The following EXOC6B variants were observed in gnomAD, a reference collection of about 807,000 sequenced individuals.
EXOC6B encodes the protein exocyst complex component 6B, also known as SEC15 homolog B.
Under a neutral mutation model 113.5 loss-of-function variants are expected in EXOC6B, and 54 were observed. The observed-to-expected ratio is 0.48, with a 90% CI of 0.38 to 0.60. EXOC6B has a LOEUF of 0.60. EXOC6B is among the 20% of genes least tolerant of loss of function. EXOC6B has a pLI of 0.00. For synonymous variants in EXOC6B, 357 were observed against 339.0 expected (o/e 1.05, Z -0.58); for missense variants, 797 against 977.5 (o/e 0.82, Z 2.46).
chr2:72,407,105 G>GA (rs1431560033), intron 18 of EXOC6B, among the ~76,000 whole-genome samples: 1 of 152,128 alleles, frequency 6.6e-6, no homozygotes, highest in Non-Finnish European at 1.5e-5. Flanking sequence ...AGATAAACTA[G>GA]AAAATCTAGA....
intron 20 of EXOC6B, among the ~76,000 whole-genome samples, chr2:72,243,819 T>C (rs912823102): frequency 5.9e-5 from 9 of 152,250 alleles, no homozygotes; most frequent in Non-Finnish European, 5.9e-5. Flanking sequence ...GAACATTACA[T>C]AATGATAAAG....
At chr2:72,762,254 A>G (rs561589096) in intron 1 of EXOC6B, among the ~76,000 whole-genome samples, 27 of 151,840 alleles carry the variant, frequency 1.8e-4, no homozygotes, top group African/African-American at 5.8e-4. Context: ...AAAAAAAAAA[A>G]AAAAGAAAAG....
chr2:72,449,185 T>A (rs1299901461), intron 18 of EXOC6B, among the ~76,000 whole-genome samples: 1 of 152,082 alleles, frequency 6.6e-6, no homozygotes, highest in Non-Finnish European at 1.5e-5. Context: ...TACAGCATTG[T>A]CAATTTTTTT....
intron 1 of EXOC6B, among the ~76,000 whole-genome samples, chr2:72,772,337 G>A (rs995864696): frequency 1.2e-4 from 18 of 152,136 alleles, no homozygotes; most frequent in African/African-American, 4.3e-4. Flanking sequence ...CCAGGCTTAA[G>A]GCAAGCTCCA....
At chr2:72,786,184 A>G (rs1684364687) in intron 1 of EXOC6B, among the ~76,000 whole-genome samples, 3 of 152,276 alleles carry the variant, frequency 2.0e-5, no homozygotes. Context: ...ACAATGAATA[A>G]ATATTTATTT....
At chr2:72,754,842 C>T (rs1325799660) in intron 1 of EXOC6B, among the ~76,000 whole-genome samples, 3 of 151,950 alleles carry the variant, frequency 2.0e-5, no homozygotes, top group Admixed American at 6.6e-5. Context: ...TGGTCTCAAA[C>T]TTCTGGGCTC....
chr2:72,825,677 G>C lies in EXOC6B; in HGVS notation c.113+121C>G, dbSNP rs1232157884. 4 of 1,228,020 alleles carry C rather than the reference G, an allele frequency of 3.3e-6. No homozygotes were observed. The highest frequency in any genetic ancestry group is 4.3e-6 in the Non-Finnish European group (4 of 929,426). The allele number at this position is 1,228,020 out of a possible 1,614,324, so 76.1% of individuals were successfully genotyped here. On this transcript the variant is annotated intron_variant, in intron 1 of 21. Transcript: ENST00000272427. The surrounding 1 kb of genome is among the most constrained non-coding windows in gnomAD (Gnocchi z 4.4). ...GAGACCCGCCTCGCCCGGTATGCAG[G>C]GTCTCTCCGAAGGGAGGGGCCGGCG... is the stretch of plus-strand genomic sequence containing the variant.
intron 6 of EXOC6B, among the ~76,000 whole-genome samples, chr2:72,678,788 C>T (rs1676487884): frequency 6.6e-6 from 1 of 152,196 alleles, no homozygotes; most frequent in Non-Finnish European, 1.5e-5. Flanking sequence ...AACATAGATA[C>T]ACTAACATGT....
chr2:72,265,254 A>G (rs1683992459), intron 20 of EXOC6B, among the ~76,000 whole-genome samples: 1 of 150,268 alleles, frequency 6.7e-6, no homozygotes, highest in Admixed American at 6.6e-5. Context: ...TATTATTATT[A>G]TTATTATTAT....
chr2:72,292,098 G>C (rs574113611), intron 20 of EXOC6B, among the ~76,000 whole-genome samples: 2 of 151,740 alleles, frequency 1.3e-5, no homozygotes, highest in East Asian at 3.9e-4. Context: ...AGATTCCTTG[G>C]CTTAATTTCT....
At chr2:72,451,301 G>C (rs1696898306) in intron 18 of EXOC6B, among the ~76,000 whole-genome samples, 1 of 152,152 alleles carries the variant, frequency 6.6e-6, no homozygotes, top group Non-Finnish European at 1.5e-5. Flanking sequence ...TCTGTTGAAA[G>C]ACTGCTTCCC....
At chr2:72,399,779 T>C (rs35253480) in intron 18 of EXOC6B, among the ~76,000 whole-genome samples, 1 of 151,890 alleles carries the variant, frequency 6.6e-6, no homozygotes, top group African/African-American at 2.4e-5. Context: ...CCTTGTGTCA[T>C]AGATGACACA....
intron 19 of EXOC6B, among the ~76,000 whole-genome samples, chr2:72,349,686 G>A (rs1490831718): frequency 6.6e-6 from 1 of 152,168 alleles, no homozygotes; most frequent in Non-Finnish European, 1.5e-5. Context: ...CAAGCCCTAT[G>A]TGTCTCTTCC....
chr2:72,655,408 GA>G (rs1270980419), intron 6 of EXOC6B, among the ~76,000 whole-genome samples: 1 of 151,650 alleles, frequency 6.6e-6, no homozygotes, highest in Non-Finnish European at 1.5e-5. Context: ...ATAAATGCAA[GA>G]AGACAATGGA....
rs1209535338 is a variant in EXOC6B, at chr2:72,342,983, C to T, written c.2123-7963G>A. On this transcript the variant is annotated intron_variant, in intron 19 of 21. Transcript: ENST00000272427. ...TAGCCATGAAAGCAACTTAAGTGCT[C>T]ATTACTGGTCAATGGAGAAAGAAAA... 2.0e-5 allele frequency among the ~76,000 whole-genome samples: 3 copies of T among 152,080 alleles called. No homozygotes were observed. The East Asian group carries it at 5.8e-4, about 29-fold the overall frequency.
chr2:72,419,824 T>A (rs2105256182), intron 18 of EXOC6B, among the ~76,000 whole-genome samples: 1 of 152,326 alleles, frequency 6.6e-6, no homozygotes, highest in African/African-American at 2.4e-5. Flanking sequence ...TCTTGCATGT[T>A]GATATTCATG....
At chr2:72,511,716 T>C (rs777871605) in intron 11 of EXOC6B, among the ~76,000 whole-genome samples, 46 of 152,256 alleles carry the variant, frequency 3.0e-4, no homozygotes, top group Non-Finnish European at 4.7e-4. Context: ...AGATTCTAAA[T>C]AACATGGCAT....
intron 20 of EXOC6B, among the ~76,000 whole-genome samples, chr2:72,246,779 G>A (rs1559055447): frequency 6.6e-6 from 1 of 152,140 alleles, no homozygotes; most frequent in Non-Finnish European, 1.5e-5. Context: ...CACCCAGCCT[G>A]GAATATGTTA....
intron 1 of EXOC6B, among the ~76,000 whole-genome samples, chr2:72,780,567 T>A (rs1417692473): frequency 6.6e-6 from 1 of 152,208 alleles, no homozygotes; most frequent in Non-Finnish European, 1.5e-5. Context: ...GCTGCATTCA[T>A]GTAACTTGGC....
Sources: allele counts gnomAD v4.1 joint callset (sites outside exome capture counted in the v4.1 genomes callset), GRCh38; gene constraint gnomAD v4.1.1; non-coding constraint Gnocchi (gnomAD v3.1); transcripts MANE v1.5; gene names NCBI Gene and HGNC (gene_info 2026-07-23, HGNC 2026-07-21).